The following NUFIP2 variants were observed in gnomAD, a reference collection of about 807,000 sequenced individuals.
NUFIP2 encodes nuclear FMR1 interacting protein 2.
Under a neutral mutation model 56.9 loss-of-function variants are expected in NUFIP2, and 6 were observed. That is an observed-to-expected ratio of 0.11 (90% CI 0.06 to 0.21). NUFIP2 has a LOEUF of 0.21. Among genes scored for constraint, NUFIP2 ranks in the 10% least tolerant of loss-of-function variants. NUFIP2 has a pLI of 1.00. For missense variants in NUFIP2, 828 were observed against 826.8 expected (o/e 1.00, Z -0.02); for synonymous variants, 321 against 298.2 (o/e 1.08, Z -0.79).
At position 29,256,175 on chromosome 17, in the gene NUFIP2, G is replaced by C. The variant is rs535789433; in HGVS notation, c.*8364C>G. 4 of 151,894 alleles carry C rather than the reference G, an allele frequency of 2.6e-5. No individual in the cohort carries two copies. The highest frequency in any genetic ancestry group is 4.4e-5 in the Non-Finnish European group (3 of 67,944). The allele number at this position is 151,894 out of a possible 1,614,324, so 9.4% of individuals were successfully genotyped here. A position where few individuals can be genotyped will look rare whatever the true frequency, so the allele number is the denominator to read the frequency against. On this transcript the variant is annotated 3_prime_UTR_variant, in exon 4 of 4. Coordinates refer to ENST00000225388, the MANE Select transcript of NUFIP2 (RefSeq NM_020772.3). ...CAAACATTGAAACTTTTTTTTGAGC[G>C]GGGGGAACATCCTTTAACATAACTG...
chr17:29,264,963 T>C (rs3760457), intron 3 of NUFIP2, among the ~76,000 whole-genome samples: 14,940 of 152,244 alleles, frequency 0.098, 939 homozygotes, highest in South Asian at 0.18. Flanking sequence ...AAAGAAACAC[T>C]TGGATTTTTC....
rs1031053650 is a variant in NUFIP2 at position 29,259,886 on chromosome 17, A to C, written c.*4653T>G. ...GAGCGGCAAAACAGTGTGAAATTTA[A>C]AACTCAGTAAAGCAATGCTTTTGAG... On this transcript the variant is annotated 3_prime_UTR_variant, in exon 4 of 4. Transcript: ENST00000225388. The C allele has an allele frequency of 3.3e-5, 5 of 152,202 alleles. No individual in the cohort carries two copies. The highest frequency in any genetic ancestry group is 1.2e-4 in the African/African-American group (5 of 41,452). The allele number at this position is 152,202 out of a possible 1,614,324, so 9.4% of individuals were successfully genotyped here.
At position 29,287,177 on chromosome 17, in the gene NUFIP2, C is replaced by T; in HGVS notation, c.817G>A (p.Val273Ile). Residue 273 changes from valine (V) to isoleucine (I), a missense_variant, in exon 2 of 4, where the codon GTA becomes ATA. Around this residue, in one of 3 missense-constraint regions of NUFIP2, gnomAD observed 415 missense variants for 408.7 expected, o/e 1.02. Coordinates refer to ENST00000225388, the MANE Select transcript of NUFIP2 (RefSeq NM_020772.3). Reference protein sequence around the residue: ...PDYSEQKGNRVDGSKPIWKYE... With the variant: ...PDYSEQKGNRIDGSKPIWKYE... ...TTCCAAATGGGCTTCGAACCATCTA[C>T]TCGATTTCCCTTTTGTTCACTATAG... 1.2e-6 allele frequency: 2 copies of T among 1,614,156 alleles called. No individual in the cohort carries two copies. The highest frequency in any genetic ancestry group is 1.7e-6 in the Non-Finnish European group (2 of 1,180,030).
chr17:29,273,032 A>ATG, intron 2 of NUFIP2, among the ~76,000 whole-genome samples: 1 of 94,916 alleles, frequency 1.1e-5, no homozygotes, highest in Non-Finnish European at 2.1e-5. Flanking sequence ...ATATATATAT[A>ATG]TACACACACA....
At chr17:29,279,349 ATTTT>A (rs538099678) in intron 2 of NUFIP2, among the ~76,000 whole-genome samples, 1 of 152,210 alleles carries the variant, frequency 6.6e-6, no homozygotes, top group South Asian at 2.1e-4. Context: ...TTTTTAAAAA[ATTTT>A]TTTTAAAATT....
Position 29,293,974 on chromosome 17 carries a change from T to G in NUFIP2, c.86A>C (p.Gln29Pro), listed in dbSNP as rs1399234344. The G allele has an allele frequency of 1.9e-6, 3 of 1,558,098 alleles. No homozygotes were observed. Among genetic ancestry groups the G allele is most frequent in the East Asian group, 2.3e-5 (1 of 44,108 alleles). ...ATAATAATGGTGGTGGTGGTGCGGCTGCTGCTGCTGCTGCTGAGGGTGATG... is the reference window on the plus strand; with the variant it reads ...ATAATAATGGTGGTGGTGGTGCGGCGGCTGCTGCTGCTGCTGAGGGTGATG... ...PHHHPQQQQQ[Q>P]PHHHHHYYFY... Residue 29 changes from glutamine to proline, a missense_variant, in exon 1 of 4, where the codon CAG becomes CCG. By Grantham distance (76) the Gln-to-Pro change is moderately conservative. Coordinates refer to ENST00000225388, the MANE Select transcript of NUFIP2 (RefSeq NM_020772.3).
intron 1 of NUFIP2, among the ~76,000 whole-genome samples, chr17:29,292,220 G>A (rs568730184): frequency 9.9e-5 from 15 of 152,116 alleles, no homozygotes; most frequent in African/African-American, 3.1e-4. Flanking sequence ...CTCATCCGAG[G>A]CAAGATGGTA....
intron 2 of NUFIP2, among the ~76,000 whole-genome samples, chr17:29,285,169 G>A (rs2069164833): frequency 6.6e-6 from 1 of 152,128 alleles, no homozygotes; most frequent in African/African-American, 2.4e-5. Flanking sequence ...GCGTGGTGGC[G>A]CATGGCTGTA....
chr17:29,286,332 T>C lies in NUFIP2; in HGVS notation c.1662A>G (p.Ser554=), dbSNP rs2286406. 1,403 of 1,614,182 alleles carry C rather than the reference T, an allele frequency of 8.7e-4. 17 individuals carry two copies. In the East Asian group the frequency reaches 0.025, roughly 29 times the overall value. Residue 554 remains serine (S), a synonymous_variant, in exon 2 of 4, where the codon TCA becomes TCG. Transcript: ENST00000225388. The part of the protein sequence containing the change: ...LVSQGAEIIP[S]GTEHPVFPKA... The stretch of plus-strand genomic sequence containing the variant: ...TGGGAAACACAGGATGCTCAGTTCC[T>C]GAGGGAATTATTTCAGCACCCTGTG...
rs754339191 is a variant in NUFIP2 at position 29,257,330 on chromosome 17, CAAATT to C, written c.*7204_*7208del. Reference sequence around the variant, plus strand: ...ATCGGTCACTTTTGGTAATGACACACAAATTAAACTTTCAAAACATGTGCATAGCT... The same window carrying C: ...ATCGGTCACTTTTGGTAATGACACACAAACTTTCAAAACATGTGCATAGCT... On this transcript the variant is annotated 3_prime_UTR_variant, in exon 4 of 4. Transcript: ENST00000225388. 6.6e-5 allele frequency: 10 copies of C among 152,304 alleles called. No individual in the cohort carries two copies. The highest frequency in any genetic ancestry group is 2.0e-4 in the Admixed American group (3 of 15,292). The allele number at this position is 152,304 out of a possible 1,614,324, so 9.4% of individuals were successfully genotyped here.
chr17:29,272,336 G>A (rs1034650508), intron 2 of NUFIP2, among the ~76,000 whole-genome samples: 4 of 151,310 alleles, frequency 2.6e-5, no homozygotes, highest in African/African-American at 9.7e-5. Flanking sequence ...TGCCTCCAGG[G>A]TTCACGCCAT....
In NUFIP2 at chr17:29,257,117, A is replaced by C. The variant is rs2068975684; in HGVS notation, c.*7422T>G. On this transcript the variant is annotated 3_prime_UTR_variant, in exon 4 of 4. Transcript: ENST00000225388. ...ATCCAATGATTTGTAAAGCTGATAA[A>C]ACTGCCCTGTTTCAAGAAAAGCTCT... 1 of 152,194 alleles carries C rather than the reference A, an allele frequency of 6.6e-6. No homozygotes were observed. The highest frequency in any genetic ancestry group is 2.4e-5 in the African/African-American group (1 of 41,460). 9.4% of individuals were successfully genotyped at this position (152,194 alleles called of 1,614,324 possible).
chr17:29,264,586 T>G lies in NUFIP2; in HGVS notation c.2041A>C (p.Lys681Gln). The change falls in exon 4 of 4, where the codon AAA (lysine) becomes CAA (glutamine). Residue 681 changes from lysine to glutamine, a missense_variant. Coordinates refer to ENST00000225388, the MANE Select transcript of NUFIP2 (RefSeq NM_020772.3). The stretch of plus-strand genomic sequence containing the variant: ...GCTTCATTGTAAGTGATTATCCTTT[T>G]GGGATCTAGAAAGGTTAAAAAAATA... ...SIWNLQKQDPKRIITYNEAMD... is the reference protein window; with the variant it reads ...SIWNLQKQDPQRIITYNEAMD... 1.3e-6 allele frequency: 2 copies of G among 1,592,382 alleles called. No homozygotes were observed. Among genetic ancestry groups the G allele is most frequent in the Non-Finnish European group, 1.7e-6 (2 of 1,160,840 alleles).
rs142935707 is a variant in NUFIP2 at position 29,281,083 on chromosome 17, C to T, written c.2002+4909G>A. On this transcript the variant is annotated intron_variant, in intron 2 of 3. Coordinates refer to ENST00000225388, the MANE Select transcript of NUFIP2 (RefSeq NM_020772.3). ...GCTGAGGCAGGAGGATCCCTTGAGG[C>T]CAGGAGTTCAAGACCAGCCTGGGTA... 2.2e-3 allele frequency among the ~76,000 whole-genome samples: 340 copies of T among 151,802 alleles called. 2 individuals are homozygous for T. The highest frequency in any genetic ancestry group is 7.9e-3 in the African/African-American group (326 of 41,418).
chr17:29,292,427 G>A (rs1475855599), intron 1 of NUFIP2, among the ~76,000 whole-genome samples: 2 of 147,214 alleles, frequency 1.4e-5, no homozygotes, highest in African/African-American at 5.0e-5. Context: ...TTTTTTTGTA[G>A]AAAATGAGCT....
chr17:29,264,672 A>T, intron 3 of NUFIP2, 81 bp from the exon 4 acceptor site: 3 of 946,456 alleles, frequency 3.2e-6, no homozygotes. Flanking sequence ...CCAAATAACC[A>T]TCATTTAAAC....
chr17:29,280,989 A>G (rs2069136337), intron 2 of NUFIP2, among the ~76,000 whole-genome samples: 1 of 151,090 alleles, frequency 6.6e-6, no homozygotes, highest in Admixed American at 6.6e-5. Context: ...CGTCTCCAAA[A>G]AAAAGAAAGG....
At chr17:29,268,357 G>A (rs1257104456) in intron 2 of NUFIP2, among the ~76,000 whole-genome samples, 2 of 152,108 alleles carry the variant, frequency 1.3e-5, no homozygotes, top group Non-Finnish European at 2.9e-5. Flanking sequence ...AAAACACCAA[G>A]TATTTCTTGG....
At chr17:29,269,855 G>A (rs1382314402) in intron 2 of NUFIP2, among the ~76,000 whole-genome samples, 8 of 152,124 alleles carry the variant, frequency 5.3e-5, no homozygotes, top group African/African-American at 2.4e-5. Flanking sequence ...CGAGTAACTG[G>A]GACTACAGGT....
Sources: gnomAD v4.1 joint callset for allele counts (sites outside exome capture counted in the v4.1 genomes callset) on GRCh38, gnomAD v4.1.1 for gene constraint, gnomAD v4.1.1 regional missense constraint, MANE v1.5 for transcripts, NCBI Gene and HGNC (gene_info 2026-07-23, HGNC 2026-07-21) for gene names.